CUX1: variants seen among roughly 807,000 people sequenced by gnomAD.
The protein encoded by CUX1 is cut like homeobox 1.
A neutral mutation model predicts 158.8 loss-of-function variants in CUX1; 31 were observed. The ratio of observed to expected loss-of-function variants is 0.20; its 90% CI spans 0.15 to 0.26. The LOEUF (loss-of-function observed/expected upper bound fraction) is 0.26, where lower values mean the gene tolerates loss of function less well. Among genes scored for constraint, CUX1 ranks in the 10% least tolerant of loss-of-function variants. The pLI is 1.00. For missense variants in CUX1, 1,589 were observed against 2,014.6 expected, an observed-to-expected ratio of 0.79 and a Z score of 4.04; for synonymous variants, 879 against 862.1, an observed-to-expected ratio of 1.02 and a Z score of -0.34.
intron 4 of CUX1, among the ~76,000 whole-genome samples, chr7:102,081,996 T>G (rs1458848017): frequency 6.8e-6 from 1 of 146,370 alleles, no homozygotes; most frequent in Non-Finnish European, 1.5e-5. Context: ...CTGGGTTCCC[T>G]TCTTTCTTTC....
intron 14 of CUX1, among the ~76,000 whole-genome samples, chr7:102,272,345 C>T: frequency 6.6e-6 from 1 of 152,214 alleles, no homozygotes; most frequent in East Asian, 1.9e-4. Context: ...CCGCACATAC[C>T]ATTTCCCTGG....
intron 18 of CUX1, among the ~76,000 whole-genome samples, chr7:102,278,311 C>G (rs1319670557): frequency 6.6e-6 from 1 of 152,242 alleles, no homozygotes; most frequent in African/African-American, 2.4e-5. Context: ...CCAGAAGGAC[C>G]AGGCACGGTG....
chr7:102,029,881 AC>A (rs1163682872), intron 3 of CUX1, among the ~76,000 whole-genome samples: 1 of 151,920 alleles, frequency 6.6e-6, no homozygotes, highest in African/African-American at 2.4e-5. Flanking sequence ...CTTTTGGGAG[AC>A]CCACTGGCTT....
chr7:102,025,685 G>T (rs1403495652), intron 2 of CUX1, among the ~76,000 whole-genome samples: 2 of 152,138 alleles, frequency 1.3e-5, no homozygotes, highest in East Asian at 3.8e-4. Context: ...CTGGAGCCTG[G>T]TGTAAAAAAA....
intron 1 of CUX1, among the ~76,000 whole-genome samples, chr7:101,833,562 T>TAAAAAAA (rs534986714): frequency 1.3e-5 from 1 of 75,814 alleles, no homozygotes; most frequent in Non-Finnish European, 2.3e-5. Flanking sequence ...CTCTGTCTCT[T>TAAAAAAA]AAAAAAAAAA....
chr7:101,945,400 C>T (rs181064532), intron 2 of CUX1, among the ~76,000 whole-genome samples: 2 of 152,204 alleles, frequency 1.3e-5, no homozygotes, highest in East Asian at 3.9e-4. Flanking sequence ...ATTTAAATTG[C>T]GAGTACATTT....
At chr7:102,184,367 G>A (rs1175090648) in intron 11 of CUX1, among the ~76,000 whole-genome samples, 16 of 152,240 alleles carry the variant, frequency 1.1e-4, no homozygotes, top group Admixed American at 1.0e-3. Context: ...GGTTTCTGGA[G>A]CCATGTGGGC....
At chr7:101,842,872 ATTTTTT>A (rs375610847) in intron 1 of CUX1, among the ~76,000 whole-genome samples, 1 of 105,778 alleles carries the variant, frequency 9.5e-6, no homozygotes, top group Non-Finnish European at 1.9e-5. Flanking sequence ...AAATTATTCT[ATTTTTT>A]TTTTTTTTTT....
intron 1 of CUX1, among the ~76,000 whole-genome samples, chr7:101,848,998 C>T (rs927801458): frequency 6.6e-5 from 10 of 151,676 alleles, no homozygotes; most frequent in African/African-American, 1.9e-4. Flanking sequence ...AGTTGGGCCC[C>T]GGGTTTTGTT....
At chr7:102,229,460 C>T (rs1000864047) in intron 21 of CUX1, among the ~76,000 whole-genome samples, 2 of 151,422 alleles carry the variant, frequency 1.3e-5, no homozygotes, top group Admixed American at 6.6e-5. Flanking sequence ...TACAGGCATC[C>T]GCCACCGTGC....
rs782281594 is a variant in CUX1, at chr7:102,178,492, C to G, written c.852C>G (p.Thr284=). ...AGGAGCAGGCCATAGAGGTGCTGAC[C>G]CGCTCCAGCCTAGAAGTTGAGTTGG... The part of the protein sequence containing the change: ...PDVEQAIEVL[T]RSSLEVELAA... The change falls in exon 11 of 24, where the codon ACC becomes ACG. Residue 284 remains threonine (T), a synonymous_variant. Transcript: ENST00000292535. The G allele has an allele frequency of 2.5e-6, 4 of 1,609,184 alleles. No homozygotes were observed. The highest frequency in any genetic ancestry group is 3.4e-6 in the Non-Finnish European group (4 of 1,176,268).
rs367785131 is a variant in CUX1, at chr7:102,274,209, G to A, written c.1384-35G>A. ...AGGGAATATTCCGTGCCCATTGTGC[G>A]GAGGCACCTCCTCATCGCTTCCTGT... On this transcript the variant is annotated intron_variant, in intron 15 of 22. Transcript: ENST00000292538. The A allele has an allele frequency of 1.2e-4, 199 of 1,595,148 alleles. 1 individual carries two copies. The African/African-American group carries it at 2.2e-3, about 18-fold the overall frequency.
At position 102,254,381 on chromosome 7, in the gene CUX1, T is replaced by C. The variant is rs1173171303; in HGVS notation, c.*5339T>C. 1 of 985,434 alleles carries C rather than the reference T, an allele frequency of 1.0e-6. No homozygotes were observed. The highest frequency in any genetic ancestry group is 1.7e-5 in the African/African-American group (1 of 57,336). The allele number at this position is 985,434 out of a possible 1,614,324, so 61.0% of individuals were successfully genotyped here. A position where few individuals can be genotyped will look rare whatever the true frequency, so the allele number is the denominator to read the frequency against. ...ATGGTTTTAGCGTCACTGCGAACAC[T>C]CCTTTGCAAACATCAAACATCTCAA... On this transcript the variant is annotated 3_prime_UTR_variant, in exon 24 of 24. Coordinates refer to ENST00000292535, the MANE Select transcript of CUX1 (RefSeq NM_181552.4).
At chr7:101,968,228 T>TA (rs1811468913) in intron 2 of CUX1, among the ~76,000 whole-genome samples, 1 of 152,112 alleles carries the variant, frequency 6.6e-6, no homozygotes, top group Non-Finnish European at 1.5e-5. Flanking sequence ...GTTTGTCTTT[T>TA]AAAAAATCTT....
intron 2 of CUX1, among the ~76,000 whole-genome samples, chr7:101,975,840 T>G (rs1328617727): frequency 6.6e-6 from 1 of 152,146 alleles, no homozygotes; most frequent in East Asian, 1.9e-4. Context: ...CTTACTCACT[T>G]TTAAAGAGCA....
At position 102,255,327 on chromosome 7, in the gene CUX1, C is replaced by T. The variant is rs1022170456; in HGVS notation, c.*6285C>T. 1.1e-5 allele frequency: 11 copies of T among 983,714 alleles called. No homozygotes were observed. The highest frequency in any genetic ancestry group is 1.3e-5 in the Non-Finnish European group (11 of 829,774). The allele number at this position is 983,714 out of a possible 1,614,324, so 60.9% of individuals were successfully genotyped here. On this transcript the variant is annotated 3_prime_UTR_variant, in exon 24 of 24. Coordinates refer to ENST00000292535, the MANE Select transcript of CUX1 (RefSeq NM_181552.4). ...TAGCTTTAACAAGACATTTCCAAAGCGCCTAGTCTCCTCCAAAATGCTAAC... is the reference window on the plus strand; with the variant it reads ...TAGCTTTAACAAGACATTTCCAAAGTGCCTAGTCTCCTCCAAAATGCTAAC...
At chr7:101,911,551 TG>T (rs1803467591) in intron 1 of CUX1, among the ~76,000 whole-genome samples, 1 of 152,122 alleles carries the variant, frequency 6.6e-6, no homozygotes, top group Admixed American at 6.5e-5. Context: ...GCCTTGACCT[TG>T]GCCCTCCAGT....
At chr7:102,097,629 G>A (rs1223188086) in intron 5 of CUX1, 128 bp downstream of exon 5, 3 of 988,600 alleles carry the variant, frequency 3.0e-6, no homozygotes, top group African/African-American at 1.7e-5. Flanking sequence ...AAGTCAGGGT[G>A]GGGCAGGAAT....
intron 3 of CUX1, among the ~76,000 whole-genome samples, chr7:102,034,768 A>AC: frequency 6.9e-6 from 1 of 145,574 alleles, no homozygotes; most frequent in East Asian, 2.0e-4. Context: ...AAAAAAAAAA[A>AC]TACAAAAACA....
Sources: gnomAD v4.1 joint callset for allele counts (sites outside exome capture counted in the v4.1 genomes callset) on GRCh38, gnomAD v4.1.1 for gene constraint, MANE v1.5 for transcripts, NCBI Gene and HGNC (gene_info 2026-07-23, HGNC 2026-07-21) for gene names.